Variants in FUT8 observed in about 807,000 individuals in gnomAD.
FUT8 encodes the protein alpha-(1,6)-fucosyltransferase.
FUT8 carries 29 observed loss-of-function variants against 71.3 expected under a neutral mutation model. That is an observed-to-expected ratio of 0.41 (90% CI 0.30 to 0.55). The LOEUF (loss-of-function observed/expected upper bound fraction) is 0.55. FUT8 is among the 20% of genes least tolerant of loss of function. FUT8 has a pLI of 0.34. For synonymous variants in FUT8, 254 were observed against 239.3 expected (o/e 1.06, Z -0.57); for missense variants, 544 against 702.1 (o/e 0.77, Z 2.55).
intron 2 of FUT8, chr14:65,529,003 G>A (rs1284423476): frequency 6.4e-6 from 1 of 157,100 alleles, no homozygotes; most frequent in African/African-American, 2.4e-5. Flanking sequence ...CATCAGATTT[G>A]TTATCCTAAT....
chr14:65,685,341 A>T (rs1893232887), intron 7 of FUT8, among the ~76,000 whole-genome samples: 1 of 152,254 alleles, frequency 6.6e-6, no homozygotes, highest in Non-Finnish European at 1.5e-5. Context: ...TAATGCAGTC[A>T]ACTCTCTAAA....
At chr14:65,534,354 A>G (rs1035433906) in intron 2 of FUT8, among the ~76,000 whole-genome samples, 1 of 151,684 alleles carries the variant, frequency 6.6e-6, no homozygotes, top group African/African-American at 2.4e-5. Flanking sequence ...CATGTCGCCC[A>G]GGCTGGAGTT....
chr14:65,398,790 C>T, the FUT8 span, among the ~76,000 whole-genome samples: 5 of 151,818 alleles, frequency 3.3e-5, no homozygotes, highest in African/African-American at 9.7e-5. Context: ...TTGGCATCTA[C>T]GTGTAAAAAT....
At chr14:65,371,993 A>G in the FUT8 span, among the ~76,000 whole-genome samples, 1 of 152,196 alleles carries the variant, frequency 6.6e-6, no homozygotes, top group Non-Finnish European at 1.5e-5. Flanking sequence ...GTTCATAGTG[A>G]TACCTCCAAT....
intron 2 of FUT8, among the ~76,000 whole-genome samples, chr14:65,470,105 C>T (rs967512944): frequency 6.6e-6 from 1 of 152,232 alleles, no homozygotes; most frequent in Non-Finnish European, 1.5e-5. Flanking sequence ...CCTCAGCTTC[C>T]TCAGAGGGGG....
intron 2 of FUT8, among the ~76,000 whole-genome samples, chr14:65,484,338 T>A (rs1413078760): frequency 6.6e-6 from 1 of 152,208 alleles, no homozygotes; most frequent in Non-Finnish European, 1.5e-5. Context: ...GGGGAAAGCA[T>A]CTATTCTCTC....
At chr14:65,421,735 A>ACCC (rs377291691) in intron 1 of FUT8, among the ~76,000 whole-genome samples, 610 of 34,262 alleles carry the variant, frequency 0.018, 6 homozygotes, top group Non-Finnish European at 0.022. Flanking sequence ...AAACCCTTTA[A>ACCC]CCCACCCCCC....
the FUT8 span, among the ~76,000 whole-genome samples, chr14:65,371,126 T>C: frequency 6.6e-6 from 1 of 152,346 alleles, no homozygotes; most frequent in African/African-American, 2.4e-5. Flanking sequence ...GGCAGAGAGC[T>C]TTTTTCCATT....
intron 7 of FUT8, among the ~76,000 whole-genome samples, chr14:65,703,735 T>A (rs1001815873): frequency 6.6e-6 from 1 of 152,200 alleles, no homozygotes; most frequent in East Asian, 1.9e-4. Flanking sequence ...AGGGTGACCG[T>A]TGAAGCTACT....
intron 7 of FUT8, among the ~76,000 whole-genome samples, chr14:65,694,819 C>T (rs1388628083): frequency 5.6e-5 from 8 of 143,964 alleles, no homozygotes; most frequent in Non-Finnish European, 8.9e-5. Context: ...CGCATATTCT[C>T]ACTTATAGGT....
chr14:65,407,211 T>C (rs144882206), upstream of FUT8, among the ~76,000 whole-genome samples: 75 of 152,354 alleles, frequency 4.9e-4, no homozygotes, highest in East Asian at 0.011. Flanking sequence ...ACTGGCTCAA[T>C]ACTTCTCTAT....
intron 1 of FUT8, among the ~76,000 whole-genome samples, chr14:65,430,546 G>T (rs1036926768): frequency 3.6e-4 from 55 of 152,162 alleles, no homozygotes; most frequent in African/African-American, 1.2e-3. Context: ...TAGTAAATGA[G>T]CAGCCGTCAG....
At chr14:65,360,929 G>A in the FUT8 span, among the ~76,000 whole-genome samples, 9 of 152,138 alleles carry the variant, frequency 5.9e-5, no homozygotes, top group Admixed American at 4.6e-4. Flanking sequence ...AAATTGTTCT[G>A]CAAAATGGGG....
intron 10 of FUT8, among the ~76,000 whole-genome samples, chr14:65,740,549 T>C (rs1414810523): frequency 1.3e-5 from 2 of 152,020 alleles, no homozygotes; most frequent in Admixed American, 1.3e-4. Context: ...GAGGTTTAAC[T>C]GGCTCATGGT....
chr14:65,411,911 C>A, upstream of FUT8: 2 of 384,978 alleles, frequency 5.2e-6, no homozygotes, highest in South Asian at 1.9e-5. Context: ...TCCCGCTCAG[C>A]TGGCGGTCTG....
intron 6 of FUT8, among the ~76,000 whole-genome samples, chr14:65,637,905 G>A (rs1372363549): frequency 6.6e-6 from 1 of 152,134 alleles, no homozygotes; most frequent in Non-Finnish European, 1.5e-5. Context: ...ATCTGCCCAC[G>A]CTTGGAGTTG....
At chr14:65,388,800 T>C in the FUT8 span, among the ~76,000 whole-genome samples, 1 of 151,688 alleles carries the variant, frequency 6.6e-6, no homozygotes, top group Non-Finnish European at 1.5e-5. Context: ...AATCCATCAA[T>C]ATCAGATTTG....
intron 2 of FUT8, among the ~76,000 whole-genome samples, chr14:65,484,939 G>GT (rs1353605268): frequency 6.6e-6 from 1 of 151,682 alleles, no homozygotes; most frequent in Admixed American, 6.6e-5. Flanking sequence ...ATTCTATGTA[G>GT]TTTTTTATGT....
chr14:65,594,725 G>A (rs927504131), intron 3 of FUT8, among the ~76,000 whole-genome samples: 17 of 152,120 alleles, frequency 1.1e-4, no homozygotes, highest in African/African-American at 4.1e-4. Context: ...GGAAGGGCAG[G>A]TTGCTCTCCC....
Sources: allele counts gnomAD v4.1 joint callset (sites outside exome capture counted in the v4.1 genomes callset), GRCh38; gene constraint gnomAD v4.1.1; transcripts MANE v1.5; gene names NCBI Gene and HGNC (gene_info 2026-07-23, HGNC 2026-07-21).